The following RANBP17 variants were observed in gnomAD, a reference collection of about 807,000 sequenced individuals.
RANBP17 encodes RAN binding protein 17.
Under a neutral mutation model 141.2 loss-of-function variants are expected in RANBP17, and 158 were observed. That is an observed-to-expected ratio of 1.12 (90% CI 0.98 to 1.28). The LOEUF (loss-of-function observed/expected upper bound fraction) is 1.28, where lower values mean the gene tolerates loss of function less well. Ranked by LOEUF, RANBP17 falls within the 50% of genes most tolerant of loss-of-function variation. RANBP17 has a pLI of 0.00. For synonymous variants in RANBP17, 430 were observed against 450.0 expected (o/e 0.96, Z 0.56); for missense variants, 1,438 against 1,290.7 (o/e 1.11, Z -1.75).
chr5:170,957,026 T>C (rs1022633692), intron 13 of RANBP17, among the ~76,000 whole-genome samples: 2 of 149,710 alleles, frequency 1.3e-5, no homozygotes. Context: ...GCCGAGATCG[T>C]GCCACTGCAC....
chr5:171,195,517 C>T (rs1385272862), intron 18 of RANBP17, among the ~76,000 whole-genome samples: 5 of 152,164 alleles, frequency 3.3e-5, no homozygotes, highest in Non-Finnish European at 7.3e-5. Flanking sequence ...TATAATGCAC[C>T]AATGTCTTAT....
intron 3 of RANBP17, among the ~76,000 whole-genome samples, chr5:170,887,595 T>C (rs1769267951): frequency 6.6e-6 from 1 of 152,224 alleles, no homozygotes; most frequent in Non-Finnish European, 1.5e-5. Context: ...CCTTTGCTCC[T>C]TTGTCAGAGA....
intron 14 of RANBP17, among the ~76,000 whole-genome samples, chr5:171,132,419 T>G (rs1756985447): frequency 6.6e-6 from 1 of 151,958 alleles, no homozygotes; most frequent in Admixed American, 6.6e-5. Flanking sequence ...GACTAAAATT[T>G]GTTTTGATAA....
chr5:171,262,049 A>T (rs1766366182), intron 24 of RANBP17, among the ~76,000 whole-genome samples: 1 of 152,212 alleles, frequency 6.6e-6, no homozygotes, highest in Non-Finnish European at 1.5e-5. Flanking sequence ...TTCGTGGCTA[A>T]AGTGTTTACC....
At chr5:170,931,249 G>C (rs569588379) in intron 12 of RANBP17, among the ~76,000 whole-genome samples, 1 of 152,120 alleles carries the variant, frequency 6.6e-6, no homozygotes, top group Non-Finnish European at 1.5e-5. Flanking sequence ...CCCACTTTTT[G>C]ATGGGGTTGT....
chr5:170,972,939 C>T (rs551374362), intron 14 of RANBP17, among the ~76,000 whole-genome samples: 2 of 152,182 alleles, frequency 1.3e-5, no homozygotes, highest in South Asian at 2.1e-4. Flanking sequence ...ATTGGTTTCT[C>T]GTTACTTATA....
chr5:170,983,055 C>G (rs1777882888), intron 14 of RANBP17: 2 of 502,018 alleles, frequency 4.0e-6, no homozygotes, highest in South Asian at 3.2e-5. Flanking sequence ...TCTCTTATAT[C>G]TTTTACCAGG....
intron 4 of RANBP17, 77 bp downstream of exon 4, chr5:170,892,630 A>C (rs1052872891): frequency 8.7e-7 from 1 of 1,143,906 alleles, no homozygotes; most frequent in South Asian, 1.7e-5. Flanking sequence ...TCTTAAAGCG[A>C]TATAGTTTGT....
At chr5:170,883,366 C>T (rs565582173) in intron 3 of RANBP17, among the ~76,000 whole-genome samples, 3 of 152,308 alleles carry the variant, frequency 2.0e-5, no homozygotes, top group South Asian at 4.1e-4. Context: ...CTGCCACACA[C>T]GCACAGCTTC....
chr5:171,066,531 C>G (rs1057239428), intron 14 of RANBP17, among the ~76,000 whole-genome samples: 6 of 152,202 alleles, frequency 3.9e-5, no homozygotes. Flanking sequence ...TAGCATTCCA[C>G]TGTATGTATA....
Position 170,942,990 on chromosome 5 carries a change from C to G in RANBP17, c.1469-10607C>G, listed in dbSNP as rs1774452542. 2.0e-5 allele frequency among the ~76,000 whole-genome samples: 3 copies of G among 152,088 alleles called. No homozygotes were observed. In the South Asian group the frequency reaches 6.2e-4, roughly 32 times the overall value. On this transcript the variant is annotated intron_variant, in intron 12 of 27. Transcript: ENST00000523189. ...AGTTTTTATAGTTGGATACACTATG[C>G]AGTTTTAGTAAAATAACATTTCAGA...
At chr5:170,890,146 C>G (rs1769477054) in intron 3 of RANBP17, among the ~76,000 whole-genome samples, 1 of 152,152 alleles carries the variant, frequency 6.6e-6, no homozygotes, top group African/African-American at 2.4e-5. Flanking sequence ...TACCCTCCTC[C>G]TAGTGGTCAC....
chr5:171,179,974 A>G (rs774127987), intron 16 of RANBP17, among the ~76,000 whole-genome samples: 2 of 152,152 alleles, frequency 1.3e-5, no homozygotes, highest in Non-Finnish European at 2.9e-5. Flanking sequence ...TCAGCCATCT[A>G]TGAGATTCTT....
intron 24 of RANBP17, chr5:171,252,186 C>T: frequency 6.3e-7 from 1 of 1,580,864 alleles, no homozygotes; most frequent in Non-Finnish European, 8.7e-7. Flanking sequence ...ACAAGATCCC[C>T]CATGAATTCT....
intron 22 of RANBP17, among the ~76,000 whole-genome samples, chr5:171,239,957 G>A (rs1306301730): frequency 6.6e-6 from 1 of 152,126 alleles, no homozygotes; most frequent in Non-Finnish European, 1.5e-5. Context: ...TCACACAAAT[G>A]TCTCTTTTGG....
At chr5:171,103,741 G>A (rs181070660) in intron 14 of RANBP17, among the ~76,000 whole-genome samples, 1 of 152,248 alleles carries the variant, frequency 6.6e-6, no homozygotes, top group Non-Finnish European at 1.5e-5. Context: ...GTAGGCACCC[G>A]AGAGAATCTC....
Position 171,207,450 on chromosome 5 carries a change from A to T in RANBP17, c.2231+1838A>T, listed in dbSNP as rs1432619406. 3 of 152,176 alleles carry T rather than the reference A, an allele frequency of 2.0e-5. No individual in the cohort carries two copies. The East Asian group carries it at 5.8e-4, about 29-fold the overall frequency. The allele number at this position is 152,176 out of a possible 1,614,324, so 9.4% of individuals were successfully genotyped here. ...TAGCTCCTTTGGGGGTAGCGGGGGA[A>T]CCTTTCTGAAATGAAACTTTTGTCC... On this transcript the variant is annotated intron_variant, in intron 20 of 27. Coordinates refer to ENST00000523189, the MANE Select transcript of RANBP17 (RefSeq NM_022897.5).
intron 14 of RANBP17, among the ~76,000 whole-genome samples, chr5:171,011,421 AAT>A (rs1246231404): frequency 6.6e-6 from 1 of 151,854 alleles, no homozygotes; most frequent in African/African-American, 2.4e-5. Context: ...TCTTTTTTTT[AAT>A]ATGTGTTTAA....
chr5:170,903,215 C>T (rs977058885), intron 5 of RANBP17, among the ~76,000 whole-genome samples: 4 of 152,252 alleles, frequency 2.6e-5, no homozygotes, highest in African/African-American at 9.6e-5. Context: ...GAGGAATCTA[C>T]AGAGGCAGTC....
Sources: allele counts gnomAD v4.1 joint callset (sites outside exome capture counted in the v4.1 genomes callset), GRCh38; gene constraint gnomAD v4.1.1; transcripts MANE v1.5; gene names NCBI Gene and HGNC (gene_info 2026-07-23, HGNC 2026-07-21).